Variants in FKBP1A observed in about 807,000 individuals in gnomAD.
The protein encoded by FKBP1A is peptidyl-prolyl cis-trans isomerase FKBP1A.
FKBP1A carries 5 observed loss-of-function variants against 14.2 expected under a neutral mutation model. The observed-to-expected ratio is 0.35, with a 90% CI of 0.18 to 0.74. FKBP1A has a LOEUF of 0.74. Ranked by LOEUF, FKBP1A falls within the 30% of genes least tolerant of loss-of-function variation. The pLI is 0.56. For synonymous variants in FKBP1A, 42 were observed against 49.1 expected (o/e 0.86, Z 0.60); for missense variants, 53 against 138.8 (o/e 0.38, Z 3.10).
chr20:1,384,254 A>C (rs912694943), intron 2 of FKBP1A, among the ~76,000 whole-genome samples: 35 of 152,218 alleles, frequency 2.3e-4, no homozygotes, highest in African/African-American at 8.4e-4. Flanking sequence ...TAAATCAATA[A>C]AATGAGTGTG....
At position 1,379,997 on chromosome 20, in the gene FKBP1A, T is replaced by G. The variant is rs1034886995; in HGVS notation, c.86-4394A>C. Among the ~76,000 whole-genome samples the G allele has an allele frequency of 6.6e-6, 1 of 152,074 alleles. No individual in the cohort carries two copies. Among genetic ancestry groups the G allele is most frequent in the East Asian group, 1.9e-4 (1 of 5,186 alleles). On this transcript the variant is annotated intron_variant, in intron 2 of 4. Transcript: ENST00000400137. This position sits in a 1 kb window ranked among gnomAD's most constrained non-coding sequence, Gnocchi z 4.3. ...GTTCAGTCTGTAATGTCAAAACAGA[T>G]AGTGAGAACTTCCATTTCTGGTCAC... is the stretch of plus-strand genomic sequence containing the variant.
chr20:1,391,799 T>C, intron 2 of FKBP1A: 1 of 315,700 alleles, frequency 3.2e-6, no homozygotes, highest in Non-Finnish European at 5.6e-6. Flanking sequence ...GAGGAAAGGG[T>C]GGGAAGGTTG....
chr20:1,384,550 A>C (rs2089650124), intron 2 of FKBP1A, among the ~76,000 whole-genome samples: 1 of 152,250 alleles, frequency 6.6e-6, no homozygotes, highest in South Asian at 2.1e-4. Context: ...AGAGTTTGAA[A>C]TCAAATGTTT....
intron 2 of FKBP1A, chr20:1,391,521 A>C (rs2089736198): frequency 2.5e-6 from 1 of 395,590 alleles, no homozygotes; most frequent in Non-Finnish European, 4.4e-6. Flanking sequence ...TCTAGTCCTT[A>C]ACTTCTACCT....
intron 2 of FKBP1A, among the ~76,000 whole-genome samples, chr20:1,390,382 A>C (rs1284180753): frequency 1.3e-5 from 2 of 151,374 alleles, no homozygotes; most frequent in Admixed American, 6.6e-5. Flanking sequence ...ACGGGGGAGC[A>C]TGCAGGGGAC....
intron 2 of FKBP1A, among the ~76,000 whole-genome samples, chr20:1,383,954 A>G (rs6041884): frequency 0.31 from 47,452 of 151,950 alleles, 8,214 homozygotes; most frequent in East Asian, 0.76. Context: ...GTATGGCTCA[A>G]GGTCTAATGG....
In FKBP1A at chr20:1,379,118, A is replaced by G. The variant is rs1318097024; in HGVS notation, c.86-3515T>C. ...AAAAATTAGCCTTATTTCTTGCCAA[A>G]CTTGAACACGGCTCTGACCTGTGCA... On this transcript the variant is annotated intron_variant, in intron 2 of 4. Coordinates refer to ENST00000400137, the MANE Select transcript of FKBP1A (RefSeq NM_000801.5). The surrounding 1 kb of genome is among the most constrained non-coding windows in gnomAD (Gnocchi z 4.3). Among the ~76,000 whole-genome samples the G allele has an allele frequency of 2.6e-5, 4 of 152,182 alleles. No individual in the cohort carries two copies. The highest frequency in any genetic ancestry group is 4.4e-5 in the Non-Finnish European group (3 of 68,026).
At chr20:1,375,768 C>G (rs559409845) in intron 2 of FKBP1A, among the ~76,000 whole-genome samples, 165 bp from the exon 3 acceptor site, 1 of 152,038 alleles carries the variant, frequency 6.6e-6, no homozygotes, top group Non-Finnish European at 1.5e-5. Flanking sequence ...TAAGGAGTTG[C>G]GACAGTCCTA....
At chr20:1,390,180 C>T (rs1186834405) in intron 2 of FKBP1A, among the ~76,000 whole-genome samples, 1 of 152,186 alleles carries the variant, frequency 6.6e-6, no homozygotes, top group Non-Finnish European at 1.5e-5. Flanking sequence ...TTCCACCCCT[C>T]TTTCTCTGGA....
chr20:1,371,739 C>T, intron 4 of FKBP1A: 1 of 1,012,138 alleles, frequency 9.9e-7, no homozygotes, highest in Non-Finnish European at 1.2e-6. Context: ...GTCTTATTTC[C>T]AAAGAACTAA....
chr20:1,392,768 A>C, intron 2 of FKBP1A, 66 bp downstream of exon 2: 7 of 1,292,964 alleles, frequency 5.4e-6, no homozygotes, highest in Non-Finnish European at 7.1e-6. Context: ...CCAGGCCTCG[A>C]CGGCCAGCCG....
intron 3 of FKBP1A, among the ~76,000 whole-genome samples, chr20:1,374,281 A>T (rs527617938): frequency 1.0e-3 from 159 of 152,256 alleles, no homozygotes; most frequent in African/African-American, 3.7e-3. Context: ...CTGGGTCCCT[A>T]TTGTCTCCTG....
At chr20:1,387,412 T>C (rs1358830025) in intron 2 of FKBP1A, among the ~76,000 whole-genome samples, 1 of 152,020 alleles carries the variant, frequency 6.6e-6, no homozygotes, top group Non-Finnish European at 1.5e-5. Context: ...AAAAGAATAA[T>C]GGGTATCATT....
chr20:1,385,473 A>T (rs1356965829), intron 2 of FKBP1A, among the ~76,000 whole-genome samples: 1 of 152,120 alleles, frequency 6.6e-6, no homozygotes, highest in Non-Finnish European at 1.5e-5. Context: ...ATAATGGTTA[A>T]AGGCATGAGT....
Position 1,379,901 on chromosome 20 carries a change from T to A in FKBP1A, c.86-4298A>T, listed in dbSNP as rs1204991934. Among the ~76,000 whole-genome samples the A allele has an allele frequency of 6.6e-6, 1 of 152,132 alleles. No individual in the cohort carries two copies. The highest frequency in any genetic ancestry group is 1.5e-5 in the Non-Finnish European group (1 of 68,020). On this transcript the variant is annotated intron_variant, in intron 2 of 4. Transcript: ENST00000400137. The surrounding 1 kb of genome is among the most constrained non-coding windows in gnomAD (Gnocchi z 4.3). ...GCCACTTATCTATGGCCCTAAGTTG[T>A]CAGCCTGGGGGAGAAGGTGGAAGCA...
chr20:1,384,285 C>G (rs138399044), intron 2 of FKBP1A, among the ~76,000 whole-genome samples: 5 of 152,178 alleles, frequency 3.3e-5, no homozygotes, highest in African/African-American at 4.8e-5. Flanking sequence ...GCGGTTCTAG[C>G]TGACTCCTGG....
rs560128655 is a variant in FKBP1A, at chr20:1,371,670, T to A, written c.*36+406A>T. 4.2e-5 allele frequency: 38 copies of A among 906,912 alleles called. 2 individuals carry two copies. In the South Asian group the frequency reaches 1.9e-3, roughly 46 times the overall value. The allele number at this position is 906,912 out of a possible 1,614,324, so 56.2% of individuals were successfully genotyped here. A position where few individuals can be genotyped will look rare whatever the true frequency, so the allele number is the denominator to read the frequency against. On this transcript the variant is annotated intron_variant, in intron 4 of 4. Transcript: ENST00000400137. ...GACATGATATTCATATCCAAAGGGCTTTTTTTTTCCCCCTCTAGCTTCTAG... is the reference window on the plus strand; with the variant it reads ...GACATGATATTCATATCCAAAGGGCATTTTTTTTCCCCCTCTAGCTTCTAG...
intron 3 of FKBP1A, 142 bp downstream of exon 3, chr20:1,375,349 T>C (rs931171103): frequency 6.3e-6 from 4 of 634,452 alleles, no homozygotes; most frequent in Non-Finnish European, 8.5e-6. Context: ...AGGAGCTTCT[T>C]GTGGGGGTAT....
At chr20:1,382,404 C>T (rs1369331927) in intron 2 of FKBP1A, among the ~76,000 whole-genome samples, 1 of 152,216 alleles carries the variant, frequency 6.6e-6, no homozygotes, top group African/African-American at 2.4e-5. Context: ...TGACCAATTT[C>T]ATTCCTGGCC....
Sources: gnomAD v4.1 joint callset for allele counts (sites outside exome capture counted in the v4.1 genomes callset) on GRCh38, gnomAD v4.1.1 for gene constraint, Gnocchi (gnomAD v3.1) non-coding constraint, MANE v1.5 for transcripts, NCBI Gene and HGNC (gene_info 2026-07-23, HGNC 2026-07-21) for gene names.